IQCM: variants seen among roughly 807,000 people sequenced by gnomAD.
IQCM encodes the protein IQ motif containing M.
IQCM carries 45 observed loss-of-function variants against 57.6 expected under a neutral mutation model. The ratio of observed to expected loss-of-function variants is 0.78; its 90% confidence interval spans 0.62 to 1.00. The LOEUF (loss-of-function observed/expected upper bound fraction) is 1.00, where lower values mean the gene tolerates loss of function less well. IQCM is among the 50% of genes least tolerant of loss of function. IQCM has a pLI of 0.00. For synonymous variants in IQCM, 148 were observed against 158.9 expected, an observed-to-expected ratio of 0.93 and a Z score of 0.51; for missense variants, 468 against 511.6, an observed-to-expected ratio of 0.91 and a Z score of 0.82.
chr4:149,784,308 A>C (rs574212199), intron 2 of IQCM, among the ~76,000 whole-genome samples: 1 of 152,236 alleles, frequency 6.6e-6, no homozygotes, highest in Non-Finnish European at 1.5e-5. Context: ...CCACTGGCTC[A>C]GGGATTTCAA....
intron 13 of IQCM, among the ~76,000 whole-genome samples, chr4:149,410,889 G>A (rs567464476): frequency 1.5e-3 from 226 of 152,072 alleles, no homozygotes; most frequent in African/African-American, 5.2e-3. Flanking sequence ...TCACCTCACT[G>A]GATTTTAATT....
At chr4:149,749,721 T>G (rs75500499) in intron 2 of IQCM, among the ~76,000 whole-genome samples, 4 of 152,312 alleles carry the variant, frequency 2.6e-5, no homozygotes, top group Non-Finnish European at 5.9e-5. Flanking sequence ...TAACAGTAAT[T>G]ATATATACTT....
intron 5 of IQCM, among the ~76,000 whole-genome samples, chr4:149,724,223 T>C (rs1332638487): frequency 2.0e-5 from 3 of 152,014 alleles, no homozygotes; most frequent in Non-Finnish European, 4.4e-5. Context: ...ATCATATACC[T>C]GAAATCATTA....
At chr4:149,518,368 G>A (rs929553228) in intron 12 of IQCM, among the ~76,000 whole-genome samples, 3 of 152,120 alleles carry the variant, frequency 2.0e-5, no homozygotes, top group Admixed American at 1.3e-4. Context: ...CCTTACTCAC[G>A]AATCTACCTA....
chr4:149,368,767 T>C lies in IQCM; in HGVS notation c.1391-16701A>G, dbSNP rs1161644065. ...TTATATATATACATGTATATATATA[T>C]ATACATATATATACATGTATATATA... On this transcript the variant is annotated intron_variant, in intron 13 of 13. Coordinates refer to ENST00000636793, the MANE Select transcript of IQCM (RefSeq NM_001363507.2). 1.8e-4 allele frequency among the ~76,000 whole-genome samples: 21 copies of C among 118,922 alleles called. 1 individual carries two copies. Among genetic ancestry groups the C allele is most frequent in the Non-Finnish European group, 2.8e-4 (15 of 54,416 alleles). The allele number at this position is 118,922 out of a possible 152,430, so 78.0% of individuals were successfully genotyped here. A position where few individuals can be genotyped will look rare whatever the true frequency, so the allele number is the denominator to read the frequency against.
chr4:149,622,342 C>CTTTTTTTTTTTTTTTTT (rs767957507), intron 7 of IQCM, among the ~76,000 whole-genome samples: 2 of 140,586 alleles, frequency 1.4e-5, no homozygotes. Context: ...CAGTGGAATT[C>CTTTTTTTTTTTTTTTTT]TTTTTTATTT....
intron 7 of IQCM, among the ~76,000 whole-genome samples, chr4:149,681,795 T>C (rs965240075): frequency 1.3e-5 from 2 of 151,208 alleles, no homozygotes; most frequent in African/African-American, 4.8e-5. Flanking sequence ...CTATATTCTC[T>C]TTTAAAGAAT....
At chr4:149,814,686 T>A (rs1471854840) in intron 2 of IQCM, among the ~76,000 whole-genome samples, 4 of 152,034 alleles carry the variant, frequency 2.6e-5, no homozygotes, top group Non-Finnish European at 5.9e-5. Context: ...CAGTTAAGAT[T>A]AATTAACAGT....
chr4:149,715,983 C>T (rs974555839), intron 5 of IQCM, among the ~76,000 whole-genome samples: 11 of 152,160 alleles, frequency 7.2e-5, no homozygotes, highest in African/African-American at 9.7e-5. Context: ...GGGCCATGGG[C>T]GGACCCAGAA....
At position 149,551,489 on chromosome 4, in the gene IQCM, T is replaced by C. The variant is rs530122526; in HGVS notation, c.1093+1654A>G. Among the ~76,000 whole-genome samples, 3 of 152,220 alleles carry C rather than the reference T, an allele frequency of 2.0e-5. No individual in the cohort carries two copies. In the South Asian group the frequency reaches 6.2e-4, roughly 32 times the overall value. On this transcript the variant is annotated intron_variant, in intron 11 of 13. Transcript: ENST00000636793. ...AAAAATAAGCAACATTCCATAACGTTAAAAAATCAATTAAGTGATAGTTTG... is the reference window on the plus strand; with the variant it reads ...AAAAATAAGCAACATTCCATAACGTCAAAAAATCAATTAAGTGATAGTTTG...
intron 12 of IQCM, among the ~76,000 whole-genome samples, chr4:149,439,126 GT>G (rs1369288548): frequency 7.9e-5 from 12 of 151,922 alleles, no homozygotes; most frequent in African/African-American, 2.9e-4. Flanking sequence ...TATGAAAATT[GT>G]GCTGTTGATA....
intron 12 of IQCM, among the ~76,000 whole-genome samples, chr4:149,476,851 ACT>A (rs1461198341): frequency 2.6e-5 from 4 of 152,162 alleles, no homozygotes; most frequent in African/African-American, 9.7e-5. Flanking sequence ...GATCAGTGGC[ACT>A]GAGTCCTGTT....
chr4:149,780,477 C>A (rs1360940870), intron 2 of IQCM, among the ~76,000 whole-genome samples: 1 of 151,826 alleles, frequency 6.6e-6, no homozygotes, highest in Non-Finnish European at 1.5e-5. Context: ...AGAAACCCAA[C>A]ATGAACAATG....
chr4:149,540,111 T>C (rs185044419), intron 12 of IQCM, among the ~76,000 whole-genome samples: 3 of 151,756 alleles, frequency 2.0e-5, no homozygotes, highest in Admixed American at 6.6e-5. Context: ...GGAGTCCCTA[T>C]AAAACTGAAG....
At chr4:149,381,090 C>T (rs1189997090) in intron 13 of IQCM, among the ~76,000 whole-genome samples, 1 of 152,120 alleles carries the variant, frequency 6.6e-6, no homozygotes, top group Non-Finnish European at 1.5e-5. Context: ...GCATCTTTTG[C>T]AGGCTAAAAC....
chr4:149,613,662 G>A (rs1477789759), intron 8 of IQCM, among the ~76,000 whole-genome samples: 1 of 151,814 alleles, frequency 6.6e-6, no homozygotes, highest in African/African-American at 2.4e-5. Flanking sequence ...TTGGTGTGCT[G>A]CACCCATTAA....
At chr4:149,394,076 T>C (rs909452991) in intron 13 of IQCM, among the ~76,000 whole-genome samples, 3 of 152,050 alleles carry the variant, frequency 2.0e-5, no homozygotes, top group African/African-American at 7.2e-5. Flanking sequence ...GCTCTTAGCA[T>C]GTCCAATGCC....
intron 12 of IQCM, among the ~76,000 whole-genome samples, chr4:149,476,969 T>C (rs781591103): frequency 1.1e-4 from 16 of 152,268 alleles, no homozygotes; most frequent in Admixed American, 3.3e-4. Context: ...GCCTCACAAA[T>C]ACAGGAAAGA....
At chr4:149,765,170 G>A (rs1241134576) in intron 2 of IQCM, among the ~76,000 whole-genome samples, 1 of 152,056 alleles carries the variant, frequency 6.6e-6, no homozygotes, top group Non-Finnish European at 1.5e-5. Flanking sequence ...TGCATCTTAT[G>A]TACTAGCTAA....
Sources: allele counts gnomAD v4.1 joint callset (sites outside exome capture counted in the v4.1 genomes callset), GRCh38; gene constraint gnomAD v4.1.1; transcripts MANE v1.5; gene names NCBI Gene and HGNC (gene_info 2026-07-23, HGNC 2026-07-21).